Variants in LTBR observed in about 807,000 individuals in gnomAD.
LTBR encodes the protein tumor necrosis factor receptor superfamily member 3.
A neutral mutation model predicts 45.4 loss-of-function variants in LTBR; 15 were observed. That is an observed-to-expected ratio of 0.33 (90% CI 0.22 to 0.51). The LOEUF (loss-of-function observed/expected upper bound fraction) is 0.51. Among genes scored for constraint, LTBR ranks in the 20% least tolerant of loss-of-function variants. The probability of loss-of-function intolerance (pLI) is 0.97; values close to 1 mark genes in which losing one functional copy is unlikely to be tolerated. For missense variants in LTBR, 450 were observed against 565.5 expected, an observed-to-expected ratio of 0.80 and a Z score of 2.07; for synonymous variants, 228 against 231.0, an observed-to-expected ratio of 0.99 and a Z score of 0.12.
In LTBR at chr12:6,384,611, C is replaced by G; in HGVS notation, c.120C>G (p.Asn40Lys). ...AGGTGCCTCCATATGCGTCGGAGAACCAGACCTGCAGGGACCAGGAAAAGG... is the reference window on the plus strand; with the variant it reads ...AGGTGCCTCCATATGCGTCGGAGAAGCAGACCTGCAGGGACCAGGAAAAGG... The part of the protein sequence containing the change: ...PQAVPPYASE[N>K]QTCRDQEKEY... Residue 40 changes from asparagine to lysine, a missense_variant, in exon 2 of 10, where the codon AAC (asparagine) becomes AAG (lysine). Physicochemically the swap from Asn to Lys is moderately conservative, Grantham distance 94. This residue lies in a region of LTBR where 367 missense variants were observed against 435.4 expected (regional missense o/e 0.84). Transcript: ENST00000228918. The G allele has an allele frequency of 1.2e-6, 2 of 1,614,168 alleles. No homozygotes were observed. Among genetic ancestry groups the G allele is most frequent in the Non-Finnish European group, 1.7e-6 (2 of 1,179,990 alleles).
rs999937969 is a variant in LTBR at position 6,388,160 on chromosome 12, A to G, written c.668-238A>G. 12 of 498,450 alleles carry G rather than the reference A, an allele frequency of 2.4e-5. No individual in the cohort carries two copies. Among genetic ancestry groups the G allele is most frequent in the African/African-American group, 5.8e-5 (3 of 51,398 alleles). The allele number at this position is 498,450 out of a possible 1,614,324, so 30.9% of individuals were successfully genotyped here. On this transcript the variant is annotated intron_variant, in intron 6 of 9. Coordinates refer to ENST00000228918, the MANE Select transcript of LTBR (RefSeq NM_002342.3). The surrounding 1 kb of genome is among the most constrained non-coding windows in gnomAD (Gnocchi z 4.3). ...ACACCACCCCCAAACATGCCCATCC[A>G]TGATACAGTCTCTCCTGGCTGCCAA...
In LTBR at chr12:6,391,162, C is replaced by G; in HGVS notation, c.*225C>G. 1 of 426,900 alleles carries G rather than the reference C, an allele frequency of 2.3e-6. No homozygotes were observed. The highest frequency in any genetic ancestry group is 4.1e-6 in the Non-Finnish European group (1 of 245,438). The allele number at this position is 426,900 out of a possible 1,614,324, so 26.4% of individuals were successfully genotyped here. A position where few individuals can be genotyped will look rare whatever the true frequency, so the allele number is the denominator to read the frequency against. ...AGCAAACCTGAGGCCTCCCGGCAGACCCACCCACCCCCTGGGGCTGCTCAG... is the reference window on the plus strand; with the variant it reads ...AGCAAACCTGAGGCCTCCCGGCAGAGCCACCCACCCCCTGGGGCTGCTCAG... On this transcript the variant is annotated 3_prime_UTR_variant, in exon 10 of 10. Transcript: ENST00000228918.
In LTBR at chr12:6,386,126, C is replaced by A. The variant is rs759151704; in HGVS notation, c.533C>A (p.Thr178Asn). 1.2e-6 allele frequency: 2 copies of A among 1,613,646 alleles called. No individual in the cohort carries two copies. The highest frequency in any genetic ancestry group is 1.7e-6 in the Non-Finnish European group (2 of 1,179,648). ...TGCAAGGCCGGGCACTTCCAGAATA[C>A]CTCCTCCCCCAGCGCCCGCTGCCAG... ...VPCKAGHFQNTSSPSARCQPH... is the reference protein window; with the variant it reads ...VPCKAGHFQNNSSPSARCQPH... Residue 178 changes from threonine to asparagine, a missense_variant, in exon 5 of 10, where the codon ACC becomes AAC. Thr to Asn is a moderately conservative substitution (Grantham distance 65, BLOSUM62 0). Transcript: ENST00000228918. The surrounding 1 kb of genome is among the most constrained non-coding windows in gnomAD (Gnocchi z 4.1).
At position 6,386,550 on chromosome 12, in the gene LTBR, T is replaced by C. The variant is rs991362409; in HGVS notation, c.667+106T>C. On this transcript the variant is annotated intron_variant, in intron 6 of 9. Coordinates refer to ENST00000228918, the MANE Select transcript of LTBR (RefSeq NM_002342.3). The surrounding 1 kb of genome is among the most constrained non-coding windows in gnomAD (Gnocchi z 4.1). ...AAAGATGAACACTTCCCTCCCAGAATTGGGCAAGAAGAAAGTTCCTTACAG... is the reference window on the plus strand; with the variant it reads ...AAAGATGAACACTTCCCTCCCAGAACTGGGCAAGAAGAAAGTTCCTTACAG... 3.5e-5 allele frequency: 31 copies of C among 874,982 alleles called. No individual in the cohort carries two copies. Among genetic ancestry groups the C allele is most frequent in the East Asian group, 1.3e-4 (5 of 37,678 alleles). The allele number at this position is 874,982 out of a possible 1,614,324, so 54.2% of individuals were successfully genotyped here.
In LTBR at chr12:6,384,991, C is replaced by T. The variant is rs367985893; in HGVS notation, c.194-31C>T. 11 of 1,613,424 alleles carry T rather than the reference C, an allele frequency of 6.8e-6. No individual in the cohort carries two copies. In the African/African-American group the frequency reaches 1.3e-4, roughly 20 times the overall value. On this transcript the variant is annotated intron_variant, in intron 2 of 9. Coordinates refer to ENST00000228918, the MANE Select transcript of LTBR (RefSeq NM_002342.3). ...GGAGGTGAGGGTGGAGCCTCGTCTCCTGAGGCTCTACTGCTCCACTCACGT... is the reference window on the plus strand; with the variant it reads ...GGAGGTGAGGGTGGAGCCTCGTCTCTTGAGGCTCTACTGCTCCACTCACGT...
chr12:6,390,466 G>A, intron 9 of LTBR, 126 bp downstream of exon 9: 1 of 984,556 alleles, frequency 1.0e-6, no homozygotes, highest in African/African-American at 1.6e-5. Context: ...CTGCCAGTCA[G>A]TGTCACAACT....
intron 1 of LTBR, chr12:6,375,791 A>C: frequency 7.2e-7 from 1 of 1,389,398 alleles, no homozygotes; most frequent in Non-Finnish European, 9.3e-7. Flanking sequence ...AACAAGTAGA[A>C]GGATCCTGAG....
At chr12:6,381,946 T>C (rs1433237177), upstream of LTBR, among the ~76,000 whole-genome samples, 1 of 152,132 alleles carries the variant, frequency 6.6e-6, no homozygotes, top group Non-Finnish European at 1.5e-5. Context: ...CACTCCAGCC[T>C]GGGCGACAAA....
upstream of LTBR, among the ~76,000 whole-genome samples, chr12:6,380,642 A>G (rs937309787): frequency 6.6e-6 from 1 of 150,982 alleles, no homozygotes; most frequent in African/African-American, 2.4e-5. Flanking sequence ...GTGAGCTGAG[A>G]TTGCACCATT....
chr12:6,387,836 C>G (rs963766408), intron 6 of LTBR: 1 of 455,164 alleles, frequency 2.2e-6, no homozygotes, highest in South Asian at 1.6e-5. Context: ...CTTGCAAGCC[C>G]TGCTCTACCA....
Position 6,388,913 on chromosome 12 carries a change from G to A in LTBR, c.801+88G>A, listed in dbSNP as rs1949079640. 3 of 1,462,526 alleles carry A rather than the reference G, an allele frequency of 2.1e-6. No individual in the cohort carries two copies. The highest frequency in any genetic ancestry group is 3.4e-5 in the Admixed American group (2 of 59,072). The allele number at this position is 1,462,526 out of a possible 1,614,324, so 90.6% of individuals were successfully genotyped here. A position where few individuals can be genotyped will look rare whatever the true frequency, so the allele number is the denominator to read the frequency against. On this transcript the variant is annotated intron_variant, in intron 8 of 9. Coordinates refer to ENST00000228918, the MANE Select transcript of LTBR (RefSeq NM_002342.3). This position sits in a 1 kb window ranked among gnomAD's most constrained non-coding sequence, Gnocchi z 4.3. ...CAGACAGGAAGAGAGTATGCAGGCT[G>A]ACTCCACACTCATTCATTCATTCAA...
intron 1 of LTBR, chr12:6,376,319 G>T: frequency 3.4e-6 from 1 of 297,040 alleles, no homozygotes. Context: ...CGGGGCCCTA[G>T]GACATTCTGT....
In LTBR at chr12:6,385,220, C is replaced by T; in HGVS notation, c.320-7C>T. On this transcript the variant is annotated splice_polypyrimidine_tract_variant and splice_region_variant and intron_variant, in intron 3 of 9. Coordinates refer to ENST00000228918, the MANE Select transcript of LTBR (RefSeq NM_002342.3). Reference sequence around the variant, plus strand: ...CCCCTCCCTGAGCCCTCCCGTCTCCCCGCCAGTGATGGGCCTCGAGGAGAT... The same window carrying T: ...CCCCTCCCTGAGCCCTCCCGTCTCCTCGCCAGTGATGGGCCTCGAGGAGAT... 1 of 1,614,164 alleles carries T rather than the reference C, an allele frequency of 6.2e-7. No individual in the cohort carries two copies. The highest frequency in any genetic ancestry group is 8.5e-7 in the Non-Finnish European group (1 of 1,180,042).
chr12:6,380,112 G>C (rs1006633306), upstream of LTBR, among the ~76,000 whole-genome samples: 4 of 152,200 alleles, frequency 2.6e-5, no homozygotes, highest in African/African-American at 9.7e-5. Context: ...ATGTTCAGCA[G>C]CATCCCTGGC....
intron 1 of LTBR, among the ~76,000 whole-genome samples, chr12:6,376,683 A>G (rs1375858448): frequency 6.6e-6 from 1 of 152,228 alleles, no homozygotes; most frequent in Admixed American, 6.5e-5. Flanking sequence ...GGAGGGTCAG[A>G]GAATCAGACC....
intron 1 of LTBR, chr12:6,375,936 G>A: frequency 9.1e-7 from 1 of 1,098,878 alleles, no homozygotes; most frequent in Non-Finnish European, 1.1e-6. Context: ...AGATAGGGAT[G>A]GAGGAGGGGC....
At chr12:6,385,884 G>A (rs939868755) in intron 4 of LTBR, 182 bp from the exon 5 acceptor site, 13 of 480,280 alleles carry the variant, frequency 2.7e-5, no homozygotes, top group African/African-American at 2.1e-4. Flanking sequence ...CAGCCTGGGC[G>A]ACAGAGCAAG....
rs1237329201 is a variant in LTBR, at chr12:6,386,295, G to A, written c.570-52G>A. 2 of 1,546,518 alleles carry A rather than the reference G, an allele frequency of 1.3e-6. No homozygotes were observed. The highest frequency in any genetic ancestry group is 2.3e-5 in the East Asian group (1 of 44,342). On this transcript the variant is annotated intron_variant, in intron 5 of 9. Transcript: ENST00000228918. This position sits in a 1 kb window ranked among gnomAD's most constrained non-coding sequence, Gnocchi z 4.1. The stretch of plus-strand genomic sequence containing the variant: ...CTCCCCGCCTGCCCAGTGGAGTCGG[G>A]ACACTGGTGGGCCAGGGCGTGAAAA...
intron 8 of LTBR, 46 bp from the exon 9 acceptor site, chr12:6,390,066 G>A: frequency 1.5e-6 from 2 of 1,294,014 alleles, no homozygotes; most frequent in Admixed American, 1.7e-5. Flanking sequence ...AGAAAAAAGG[G>A]TCTGGGGCCC....
Sources: allele counts gnomAD v4.1 joint callset (sites outside exome capture counted in the v4.1 genomes callset), GRCh38; gene constraint gnomAD v4.1.1; regional missense constraint gnomAD v4.1.1; non-coding constraint Gnocchi (gnomAD v3.1); transcripts MANE v1.5; gene names NCBI Gene and HGNC (gene_info 2026-07-23, HGNC 2026-07-21).